Variants in AGBL4 observed in about 807,000 individuals in gnomAD.
The protein encoded by AGBL4 is cytosolic carboxypeptidase 6.
A neutral mutation model predicts 66.4 loss-of-function variants in AGBL4; 58 were observed. The ratio of observed to expected loss-of-function variants is 0.87; its 90% CI spans 0.71 to 1.09. The LOEUF is 1.09. Among genes scored for constraint, AGBL4 ranks in the 50% least tolerant of loss-of-function variants. The pLI is 0.00. For synonymous variants in AGBL4, 234 were observed against 222.9 expected, an observed-to-expected ratio of 1.05 and a Z score of -0.44; for missense variants, 579 against 631.0, an observed-to-expected ratio of 0.92 and a Z score of 0.88.
intron 2 of AGBL4, among the ~76,000 whole-genome samples, chr1:49,719,551 T>G (rs1458169465): frequency 3.3e-5 from 5 of 152,112 alleles, no homozygotes; most frequent in Non-Finnish European, 5.9e-5. Context: ...GAAAAATAAA[T>G]TTAGTCACCT....
chr1:49,886,128 T>A (rs1648011212), intron 1 of AGBL4, among the ~76,000 whole-genome samples: 2 of 152,164 alleles, frequency 1.3e-5, no homozygotes. Flanking sequence ...CCTTTTTCTA[T>A]TTTGTATTAT....
rs1408380205 is a variant in AGBL4, at chr1:49,787,179, T to C, written c.157+64217A>G. On this transcript the variant is annotated intron_variant, in intron 2 of 13. Coordinates refer to ENST00000371839, the MANE Select transcript of AGBL4 (RefSeq NM_032785.4). ...AAAAGAGAAGGGCGGACATATCACG[T>C]GATAAACTACAACTCAATCTAGACG... Among the ~76,000 whole-genome samples, 6 of 152,068 alleles carry C rather than the reference T, an allele frequency of 3.9e-5. No homozygotes were observed. In the East Asian group the frequency reaches 1.2e-3, roughly 29 times the overall value.
At chr1:48,752,303 T>C (rs1035054289) in intron 6 of AGBL4, among the ~76,000 whole-genome samples, 22 of 152,138 alleles carry the variant, frequency 1.4e-4, no homozygotes, top group African/African-American at 5.3e-4. Flanking sequence ...AAGAGAGTCC[T>C]GGCAAAGAGA....
chr1:48,730,192 C>A (rs988690159), intron 6 of AGBL4, among the ~76,000 whole-genome samples: 1 of 152,162 alleles, frequency 6.6e-6, no homozygotes, highest in Non-Finnish European at 1.5e-5. Context: ...TTGTTTCCCC[C>A]CAACAGACTG....
intron 3 of AGBL4, among the ~76,000 whole-genome samples, chr1:49,293,793 C>A (rs1378636019): frequency 6.6e-6 from 1 of 152,080 alleles, no homozygotes; most frequent in Non-Finnish European, 1.5e-5. Context: ...ATTTGAAAGA[C>A]CATAAATTAT....
intron 4 of AGBL4, among the ~76,000 whole-genome samples, chr1:49,121,839 C>T (rs1484711784): frequency 1.3e-5 from 2 of 152,240 alleles, no homozygotes; most frequent in East Asian, 3.9e-4. Context: ...AGGCAGCAGG[C>T]CTTGCTGAGC....
chr1:49,188,182 C>T (rs930515708), intron 4 of AGBL4, among the ~76,000 whole-genome samples: 2 of 152,090 alleles, frequency 1.3e-5, no homozygotes, highest in East Asian at 1.9e-4. Context: ...AGCATGAAAA[C>T]GGGCTAATAC....
intron 1 of AGBL4, among the ~76,000 whole-genome samples, chr1:49,975,140 T>A (rs1317828203): frequency 1.3e-5 from 2 of 152,146 alleles, no homozygotes; most frequent in African/African-American, 4.8e-5. Flanking sequence ...TAAAGCATAT[T>A]TACATATTTG....
intron 3 of AGBL4, among the ~76,000 whole-genome samples, chr1:49,321,339 A>G (rs933808804): frequency 1.1e-4 from 16 of 152,350 alleles, no homozygotes; most frequent in African/African-American, 3.6e-4. Flanking sequence ...TCAAGATGTC[A>G]AACCTCATAA....
At chr1:49,481,806 C>A (rs1016610172) in intron 3 of AGBL4, among the ~76,000 whole-genome samples, 10 of 151,450 alleles carry the variant, frequency 6.6e-5, no homozygotes, top group Non-Finnish European at 1.0e-4. Context: ...GATTTCAATA[C>A]CTAGTTTATT....
intron 3 of AGBL4, among the ~76,000 whole-genome samples, chr1:49,562,934 C>A (rs1393419456): frequency 6.6e-6 from 1 of 152,088 alleles, no homozygotes. Context: ...ATTCTTCCTA[C>A]TCATGAGCAT....
chr1:48,839,222 C>G (rs1414350693), intron 6 of AGBL4, among the ~76,000 whole-genome samples: 1 of 152,084 alleles, frequency 6.6e-6, no homozygotes, highest in Non-Finnish European at 1.5e-5. Context: ...GAGATAACTG[C>G]ACTCCCATCT....
intron 3 of AGBL4, among the ~76,000 whole-genome samples, chr1:49,311,539 T>C (rs1391182389): frequency 2.6e-5 from 4 of 151,996 alleles, no homozygotes; most frequent in African/African-American, 9.7e-5. Flanking sequence ...ATAAAAACTA[T>C]ATCCAAATCC....
intron 5 of AGBL4, among the ~76,000 whole-genome samples, chr1:48,966,297 G>C (rs1419236451): frequency 6.6e-6 from 1 of 152,092 alleles, no homozygotes; most frequent in Non-Finnish European, 1.5e-5. Context: ...AGATAGCATT[G>C]TTTTAAATAA....
intron 6 of AGBL4, among the ~76,000 whole-genome samples, chr1:48,806,637 C>G (rs1645930274): frequency 6.6e-6 from 1 of 152,200 alleles, no homozygotes; most frequent in Non-Finnish European, 1.5e-5. Flanking sequence ...TGTTGTAGAA[C>G]AGAACTCTTG....
chr1:49,946,960 G>A (rs1376418603), intron 1 of AGBL4, among the ~76,000 whole-genome samples: 5 of 151,798 alleles, frequency 3.3e-5, no homozygotes, highest in Admixed American at 2.6e-4. Context: ...ACCTAGTGGA[G>A]ATGGATAAAT....
At chr1:49,805,504 G>C (rs1644956451) in intron 2 of AGBL4, among the ~76,000 whole-genome samples, 1 of 152,100 alleles carries the variant, frequency 6.6e-6, no homozygotes. Flanking sequence ...AGAAATAACA[G>C]CATATTTGTA....
intron 4 of AGBL4, among the ~76,000 whole-genome samples, chr1:49,143,811 T>C (rs1011142381): frequency 3.3e-5 from 5 of 152,218 alleles, no homozygotes; most frequent in African/African-American, 1.2e-4. Context: ...CTGAAATTAC[T>C]GCTCTTTGAG....
At chr1:48,737,280 T>C (rs1475697357) in intron 6 of AGBL4, among the ~76,000 whole-genome samples, 1 of 151,742 alleles carries the variant, frequency 6.6e-6, no homozygotes, top group Non-Finnish European at 1.5e-5. Flanking sequence ...CGAGACTCCG[T>C]CTCAAAAAGA....
Sources: allele counts gnomAD v4.1 joint callset (sites outside exome capture counted in the v4.1 genomes callset), GRCh38; gene constraint gnomAD v4.1.1; transcripts MANE v1.5; gene names NCBI Gene and HGNC (gene_info 2026-07-23, HGNC 2026-07-21).